GHR: variants seen among roughly 807,000 people sequenced by gnomAD.
The protein encoded by GHR is GH receptor.
A neutral mutation model predicts 67.1 loss-of-function variants in GHR; 35 were observed. That is an observed-to-expected ratio of 0.52 (90% confidence interval 0.40 to 0.69). GHR has a LOEUF of 0.69. Among genes scored for constraint, GHR ranks in the 30% least tolerant of loss-of-function variants. The probability of loss-of-function intolerance (pLI) is 0.00; values close to 1 mark genes in which losing one functional copy is unlikely to be tolerated. For synonymous variants in GHR, 272 were observed against 269.1 expected (o/e 1.01, Z -0.10); for missense variants, 792 against 764.6 (o/e 1.04, Z -0.42).
intron 1 of GHR, among the ~76,000 whole-genome samples, chr5:42,546,778 G>T (rs188106543): frequency 6.6e-6 from 1 of 152,132 alleles, no homozygotes; most frequent in African/African-American, 2.4e-5. Context: ...GAGAGAATTT[G>T]TCTGAGTGTT....
intron 3 of GHR, among the ~76,000 whole-genome samples, chr5:42,681,513 G>C (rs1257274707): frequency 6.6e-6 from 1 of 152,240 alleles, no homozygotes; most frequent in African/African-American, 2.4e-5. Context: ...GTTGGTGGGA[G>C]TGTAAATTAG....
intron 2 of GHR, among the ~76,000 whole-genome samples, chr5:42,588,526 C>CAAAAAAAAAAAAAAAAAAAGAA: frequency 2.2e-5 from 1 of 45,142 alleles, no homozygotes; most frequent in Non-Finnish European, 4.1e-5. Context: ...AACTCCATCT[C>CAAAAAAAAAAAAAAAAAAAGAA]AAAAAAAAAA....
chr5:42,605,401 C>G (rs545279777), intron 2 of GHR, among the ~76,000 whole-genome samples: 1 of 152,000 alleles, frequency 6.6e-6, no homozygotes, highest in African/African-American at 2.4e-5. Context: ...CCACCGCGCC[C>G]GGCCTGGGGT....
At chr5:42,685,311 T>C (rs1158257820) in intron 3 of GHR, among the ~76,000 whole-genome samples, 1 of 152,214 alleles carries the variant, frequency 6.6e-6, no homozygotes, top group African/African-American at 2.4e-5. Flanking sequence ...CCATGGTGCA[T>C]ATATGCAACA....
chr5:42,566,470 T>C (rs1749946487), intron 2 of GHR, among the ~76,000 whole-genome samples: 1 of 152,216 alleles, frequency 6.6e-6, no homozygotes, highest in Admixed American at 6.5e-5. Flanking sequence ...TTGAATGATA[T>C]ACCCAGAAAT....
intron 2 of GHR, among the ~76,000 whole-genome samples, chr5:42,590,832 C>A (rs551399657): frequency 1.3e-5 from 2 of 152,248 alleles, no homozygotes; most frequent in African/African-American, 4.8e-5. Context: ...ACAAGGTGTA[C>A]AGAAGTGAAA....
chr5:42,507,458 C>T (rs1746826761), intron 1 of GHR, among the ~76,000 whole-genome samples: 1 of 152,188 alleles, frequency 6.6e-6, no homozygotes. Flanking sequence ...GATTTGATTT[C>T]CTTCCTCTGG....
intron 1 of GHR, among the ~76,000 whole-genome samples, chr5:42,458,824 G>T (rs2940914): frequency 7.9e-5 from 12 of 152,068 alleles, no homozygotes; most frequent in African/African-American, 1.9e-4. Context: ...AGTGAGCAAA[G>T]GACATTAACA....
At chr5:42,672,969 AG>A (rs926581588) in intron 3 of GHR, among the ~76,000 whole-genome samples, 1 of 152,182 alleles carries the variant, frequency 6.6e-6, no homozygotes, top group African/African-American at 2.4e-5. Context: ...CCAGCAACAG[AG>A]TAAACAGCCT....
chr5:42,718,320 T>G, intron 9 of GHR, 133 bp from the exon 10 acceptor site: 2 of 742,936 alleles, frequency 2.7e-6, no homozygotes, highest in Non-Finnish European at 4.4e-6. Flanking sequence ...TACACACTAA[T>G]TTATGTTTTT....
intron 3 of GHR, among the ~76,000 whole-genome samples, chr5:42,643,736 G>A (rs1304364854): frequency 6.7e-6 from 1 of 149,288 alleles, no homozygotes; most frequent in Non-Finnish European, 1.5e-5. Flanking sequence ...TTTTTTCCCT[G>A]AAAACAGCCC....
At chr5:42,650,477 T>G (rs1754961084) in intron 3 of GHR, among the ~76,000 whole-genome samples, 1 of 151,752 alleles carries the variant, frequency 6.6e-6, no homozygotes, top group African/African-American at 2.4e-5. Flanking sequence ...AATTTAACTC[T>G]AAAGATAATT....
At position 42,565,714 on chromosome 5, in the gene GHR, G is replaced by A. The variant is rs915173701; in HGVS notation, c.-11-150G>A. The A allele has an allele frequency of 2.5e-5, 39 of 1,531,702 alleles. No homozygotes were observed. The Admixed American group carries it at 7.5e-4, about 29-fold the overall frequency. The allele number at this position is 1,531,702 out of a possible 1,614,324, so 94.9% of individuals were successfully genotyped here. A position where few individuals can be genotyped will look rare whatever the true frequency, so the allele number is the denominator to read the frequency against. ...GAGTTCATGAAAAGTAGGACAATAT[G>A]AGACTCTGGGGCAGTGAAAGACTTA... is the stretch of plus-strand genomic sequence containing the variant. On this transcript the variant is annotated intron_variant, in intron 1 of 9. Transcript: ENST00000230882.
intron 2 of GHR, among the ~76,000 whole-genome samples, chr5:42,573,512 G>A (rs932308555): frequency 2.0e-5 from 3 of 151,974 alleles, no homozygotes; most frequent in South Asian, 2.1e-4. Flanking sequence ...TGCATTAAGT[G>A]ACCCGGTCAC....
intron 5 of GHR, among the ~76,000 whole-genome samples, chr5:42,699,306 C>T (rs549283817): frequency 2.9e-5 from 4 of 139,064 alleles, no homozygotes; most frequent in South Asian, 2.5e-4. Context: ...CGGAATCTGA[C>T]GGAATATGGA....
At chr5:42,516,978 G>A (rs1401760554) in intron 1 of GHR, among the ~76,000 whole-genome samples, 2 of 151,944 alleles carry the variant, frequency 1.3e-5, no homozygotes, top group Non-Finnish European at 2.9e-5. Context: ...GATTTTTAGG[G>A]GGAGAAAAAA....
intron 1 of GHR, among the ~76,000 whole-genome samples, chr5:42,464,863 T>C (rs1315301083): frequency 6.6e-6 from 1 of 152,188 alleles, no homozygotes; most frequent in Admixed American, 6.5e-5. Flanking sequence ...TGACCCTCTT[T>C]CCAGGTTAGA....
At chr5:42,646,652 G>A (rs1754744337) in intron 3 of GHR, among the ~76,000 whole-genome samples, 1 of 152,094 alleles carries the variant, frequency 6.6e-6, no homozygotes, top group East Asian at 1.9e-4. Flanking sequence ...TCTGCATTTG[G>A]ATAAGTGATG....
chr5:42,565,482 T>C, intron 1 of GHR: 2 of 985,214 alleles, frequency 2.0e-6, no homozygotes, highest in South Asian at 4.7e-5. Flanking sequence ...CAAGGCCCCA[T>C]GCTTTCTGAT....
Sources: allele counts gnomAD v4.1 joint callset (sites outside exome capture counted in the v4.1 genomes callset), GRCh38; gene constraint gnomAD v4.1.1; transcripts MANE v1.5; gene names NCBI Gene and HGNC (gene_info 2026-07-23, HGNC 2026-07-21).